CTTNBP2: variants seen among roughly 807,000 people sequenced by gnomAD.
CTTNBP2 encodes the protein cortactin binding protein 2, also known as cortactin-binding protein 2.
A neutral mutation model predicts 156.9 loss-of-function variants in CTTNBP2; 108 were observed. The ratio of observed to expected loss-of-function variants is 0.69; its 90% CI spans 0.59 to 0.81. The LOEUF (loss-of-function observed/expected upper bound fraction) is 0.81, where lower values mean the gene tolerates loss of function less well. CTTNBP2 is among the 30% of genes least tolerant of loss of function. The probability of loss-of-function intolerance (pLI) is 0.00; values close to 1 mark genes in which losing one functional copy is unlikely to be tolerated. For synonymous variants in CTTNBP2, 767 were observed against 751.8 expected (o/e 1.02, Z -0.33); for missense variants, 1,924 against 2,035.4 (o/e 0.95, Z 1.05).
At chr7:117,742,220 C>T (rs984785511) in intron 14 of CTTNBP2, among the ~76,000 whole-genome samples, 1 of 152,216 alleles carries the variant, frequency 6.6e-6, no homozygotes, top group South Asian at 2.1e-4. Flanking sequence ...ACAGACTACT[C>T]TGCATCACAC....
intron 14 of CTTNBP2, among the ~76,000 whole-genome samples, chr7:117,735,803 A>C (rs142774114): frequency 6.6e-6 from 1 of 152,242 alleles, no homozygotes; most frequent in Non-Finnish European, 1.5e-5. Context: ...GATTATATAC[A>C]ATGTGATTTC....
chr7:117,871,040 A>G (rs1307661423), intron 1 of CTTNBP2, among the ~76,000 whole-genome samples: 1 of 152,258 alleles, frequency 6.6e-6, no homozygotes, highest in Non-Finnish European at 1.5e-5. Context: ...TAGAGCTTCC[A>G]TTGACTCCTT....
chr7:117,721,784 G>T (rs1033712047), intron 19 of CTTNBP2, among the ~76,000 whole-genome samples: 2 of 152,160 alleles, frequency 1.3e-5, no homozygotes, highest in Non-Finnish European at 2.9e-5. Flanking sequence ...ATGCATATCA[G>T]TTATATATAC....
Position 117,791,532 on chromosome 7 carries a change from G to A in CTTNBP2, c.1664C>T (p.Thr555Ile). Residue 555 changes from threonine (T) to isoleucine (I), a missense_variant, in exon 4 of 23, where the codon ACT becomes ATT. Transcript: ENST00000160373. Reference protein sequence around the residue: ...IPPKKPGLSQTPSPPHPQLKV... With the variant: ...IPPKKPGLSQIPSPPHPQLKV... ...GAGTTGGGGGTGTGGTGGAGAAGGA[G>A]TTTGGGAGAGCCCTGGCTTTTTTGG... 2.5e-6 allele frequency: 4 copies of A among 1,614,168 alleles called. No homozygotes were observed. Among genetic ancestry groups the A allele is most frequent in the Non-Finnish European group, 3.4e-6 (4 of 1,180,028 alleles).
chr7:117,711,681 AG>A lies in CTTNBP2; in HGVS notation c.4847del (p.Pro1616LeufsTer24). 3 of 1,614,058 alleles carry A rather than the reference AG, an allele frequency of 1.9e-6. No homozygotes were observed. The highest frequency in any genetic ancestry group is 2.5e-6 in the Non-Finnish European group (3 of 1,179,950). ...VSRVKSFLPVPRSKVTQCSQN... is the reference protein window; with the variant it reads ...VSRVKSFLPVXRSKVTQCSQN... The stretch of plus-strand genomic sequence containing the variant: ...GGGAACACTGGGTGACTTTACTTCT[AG>A]GAACAGGAAGAAAAGATTTAACTCT... On this transcript the variant is annotated frameshift_variant, in exon 23 of 23. Coordinates refer to ENST00000160373, the MANE Select transcript of CTTNBP2 (RefSeq NM_033427.3). LOFTEE classifies it high-confidence loss of function.
At chr7:117,836,703 T>C (rs147350837) in intron 2 of CTTNBP2, among the ~76,000 whole-genome samples, 483 of 152,292 alleles carry the variant, frequency 3.2e-3, no homozygotes, top group African/African-American at 0.011. Flanking sequence ...ATACCCGACA[T>C]TGGGTGATTT....
chr7:117,811,093 T>C, intron 2 of CTTNBP2, 104 bp from the exon 3 acceptor site: 2 of 829,234 alleles, frequency 2.4e-6, no homozygotes, highest in Non-Finnish European at 3.8e-6. Context: ...TATTCTCAAC[T>C]GCTGTGAGTA....
At chr7:117,843,912 G>T (rs1217514159) in intron 2 of CTTNBP2, among the ~76,000 whole-genome samples, 1 of 152,110 alleles carries the variant, frequency 6.6e-6, no homozygotes, top group East Asian at 1.9e-4. Flanking sequence ...GGGATGTTGC[G>T]ATGTGATTAA....
intron 7 of CTTNBP2, among the ~76,000 whole-genome samples, chr7:117,779,273 A>G (rs1798271895): frequency 6.6e-6 from 1 of 152,190 alleles, no homozygotes; most frequent in Admixed American, 6.5e-5. Flanking sequence ...AATTTATATT[A>G]CAAAGGCCAT....
At chr7:117,773,286 C>T (rs1797889815) in intron 8 of CTTNBP2, among the ~76,000 whole-genome samples, 1 of 152,216 alleles carries the variant, frequency 6.6e-6, no homozygotes, top group Non-Finnish European at 1.5e-5. Flanking sequence ...GACCTTTGCA[C>T]ATACCTCATG....
intron 2 of CTTNBP2, among the ~76,000 whole-genome samples, chr7:117,840,594 C>A (rs1231480200): frequency 6.6e-6 from 1 of 152,196 alleles, no homozygotes; most frequent in African/African-American, 2.4e-5. Context: ...TAAACCATTA[C>A]CACACAAGTG....
intron 2 of CTTNBP2, among the ~76,000 whole-genome samples, chr7:117,811,691 C>T (rs1322346487): frequency 1.3e-5 from 2 of 151,998 alleles, no homozygotes; most frequent in African/African-American, 4.8e-5. Flanking sequence ...ATAGAACTTA[C>T]ATTTAAAATA....
chr7:117,849,534 T>C (rs1004538524), intron 2 of CTTNBP2, among the ~76,000 whole-genome samples: 3 of 152,082 alleles, frequency 2.0e-5, no homozygotes, highest in African/African-American at 7.2e-5. Flanking sequence ...CATAAATGCT[T>C]CAGCTTGGCA....
chr7:117,791,529 G>A lies in CTTNBP2; in HGVS notation c.1667C>T (p.Pro556Leu), dbSNP rs1799010609. The A allele has an allele frequency of 1.9e-6, 3 of 1,614,024 alleles. No individual in the cohort carries two copies. The highest frequency in any genetic ancestry group is 3.3e-5 in the Admixed American group (2 of 60,008). Residue 556 changes from proline (P) to leucine (L), a missense_variant, in exon 4 of 23, where the codon CCT (proline) becomes CTT (leucine). By Grantham distance (98) the Pro-to-Leu change is moderately conservative. Transcript: ENST00000160373. ...PPKKPGLSQTPSPPHPQLKVI... is the reference protein window; with the variant it reads ...PPKKPGLSQTLSPPHPQLKVI... ...CTTGAGTTGGGGGTGTGGTGGAGAA[G>A]GAGTTTGGGAGAGCCCTGGCTTTTT...
intron 4 of CTTNBP2, among the ~76,000 whole-genome samples, chr7:117,790,058 T>C (rs774641366): frequency 1.3e-5 from 2 of 152,208 alleles, no homozygotes; most frequent in African/African-American, 2.4e-5. Context: ...AAGTATTAAA[T>C]ATAACAACTG....
intron 1 of CTTNBP2, among the ~76,000 whole-genome samples, chr7:117,870,285 T>C (rs2117300708): frequency 6.6e-6 from 1 of 152,342 alleles, no homozygotes; most frequent in African/African-American, 2.4e-5. Flanking sequence ...CTACGTTATT[T>C]CCTATTTAAA....
chr7:117,735,598 G>C (rs1795644093), intron 14 of CTTNBP2, among the ~76,000 whole-genome samples, 177 bp from the exon 15 acceptor site: 1 of 152,182 alleles, frequency 6.6e-6, no homozygotes, highest in African/African-American at 2.4e-5. Context: ...TATTTGATAA[G>C]TTTGAACACA....
chr7:117,785,841 G>A (rs555981901), intron 4 of CTTNBP2, among the ~76,000 whole-genome samples: 3 of 152,276 alleles, frequency 2.0e-5, no homozygotes, highest in South Asian at 2.1e-4. Flanking sequence ...GTGGCATGAT[G>A]AGATAAGATC....
At chr7:117,715,041 C>T (rs1794266545) in intron 22 of CTTNBP2, among the ~76,000 whole-genome samples, 1 of 152,122 alleles carries the variant, frequency 6.6e-6, no homozygotes, top group Non-Finnish European at 1.5e-5. Flanking sequence ...TTTATTTAGC[C>T]TTAAAGAATT....
Sources: gnomAD v4.1 joint callset for allele counts (sites outside exome capture counted in the v4.1 genomes callset) on GRCh38, gnomAD v4.1.1 for gene constraint, MANE v1.5 for transcripts, NCBI Gene and HGNC (gene_info 2026-07-23, HGNC 2026-07-21) for gene names.